TRDN: variants seen among roughly 807,000 people sequenced by gnomAD.
TRDN encodes the protein triadin in skeletal muscle.
In TRDN, 161 loss-of-function variants were observed where a neutral mutation model predicts 149.7. The ratio of observed to expected loss-of-function variants is 1.08; its 90% CI spans 0.95 to 1.23. The LOEUF is 1.23. Among genes scored for constraint, TRDN ranks in the 50% most tolerant of loss-of-function variants. The pLI, the probability that TRDN is intolerant of heterozygous loss-of-function variation, is 0.00. For synonymous variants in TRDN, 294 were observed against 250.5 expected (o/e 1.17, Z -1.64); for missense variants, 896 against 823.5 (o/e 1.09, Z -1.08).
chr6:123,346,694 G>A lies in TRDN; in HGVS notation c.1369+5845C>T, dbSNP rs550311103. 1.1e-4 allele frequency among the ~76,000 whole-genome samples: 16 copies of A among 152,088 alleles called. No individual in the cohort carries two copies. The South Asian group carries it at 1.2e-3, about 12-fold the overall frequency. On this transcript the variant is annotated intron_variant, in intron 21 of 40. Coordinates refer to ENST00000334268, the MANE Select transcript of TRDN (RefSeq NM_006073.4). Reference sequence around the variant, plus strand: ...TTATAAAAGGAGGACACAAGTTTGTGTTTTAAAAGATAAACCATATTATAT... The same window carrying A: ...TTATAAAAGGAGGACACAAGTTTGTATTTTAAAAGATAAACCATATTATAT...
In TRDN at chr6:123,252,409, T is replaced by C; in HGVS notation, c.1975+3A>G. 1 of 1,517,360 alleles carries C rather than the reference T, an allele frequency of 6.6e-7. No individual in the cohort carries two copies. The highest frequency in any genetic ancestry group is 9.0e-7 in the Non-Finnish European group (1 of 1,112,242). The allele number at this position is 1,517,360 out of a possible 1,614,324, so 94.0% of individuals were successfully genotyped here. ...ACTTGTCATTAATACAAACCGTACT[T>C]ACTTGATACTCTTGCAGGTTTTTCT... On this transcript the variant is annotated splice_donor_region_variant and intron_variant, in intron 38 of 40. Transcript: ENST00000334268.
intron 2 of TRDN, among the ~76,000 whole-genome samples, chr6:123,565,683 T>C (rs1026975513): frequency 1.3e-5 from 2 of 152,338 alleles, no homozygotes; most frequent in East Asian, 1.9e-4. Flanking sequence ...CTTTTGCAGC[T>C]CACGCTCATG....
chr6:123,380,170 T>C (rs1304966499), intron 16 of TRDN, among the ~76,000 whole-genome samples: 1 of 152,164 alleles, frequency 6.6e-6, no homozygotes, highest in Admixed American at 6.5e-5. Context: ...CTGAGGACCT[T>C]CTCAAGGAGG....
At chr6:123,224,462 T>C (rs1775281866) in intron 38 of TRDN, among the ~76,000 whole-genome samples, 1 of 151,776 alleles carries the variant, frequency 6.6e-6, no homozygotes, top group African/African-American at 2.4e-5. Context: ...TAATCATTTA[T>C]AGAATTTAGG....
intron 15 of TRDN, 22 bp from the exon 16 acceptor site, chr6:123,381,412 T>C (rs1781715103): frequency 1.3e-6 from 2 of 1,551,830 alleles, no homozygotes; most frequent in Non-Finnish European, 1.7e-6. Flanking sequence ...ACAAACAAAA[T>C]CATTGCTCTT....
Position 123,377,730 on chromosome 6 carries a change from T to A in TRDN, c.1232A>T (p.Lys411Met). 6.2e-7 allele frequency: 1 copy of A among 1,613,230 alleles called. No homozygotes were observed. Among genetic ancestry groups the A allele is most frequent in the Non-Finnish European group, 8.5e-7 (1 of 1,179,608 alleles). The change falls in exon 18 of 41, where the codon AAG becomes ATG. Residue 411 changes from lysine to methionine, a missense_variant. Coordinates refer to ENST00000334268, the MANE Select transcript of TRDN (RefSeq NM_006073.4). Reference sequence around the variant, plus strand: ...GTCTTACTCACCTGAGTGTTCTTTCTTTGGTGACTTTGCTGTATCAAAAAG... The same window carrying A: ...GTCTTACTCACCTGAGTGTTCTTTCATTGGTGACTTTGCTGTATCAAAAAG... Reference protein sequence around the residue: ...EKHVEPAKSPKKEHSVPSDKQ... With the variant: ...EKHVEPAKSPMKEHSVPSDKQ...
intron 10 of TRDN, among the ~76,000 whole-genome samples, chr6:123,454,059 T>C (rs1215686563): frequency 6.6e-6 from 1 of 152,024 alleles, no homozygotes; most frequent in East Asian, 1.9e-4. Context: ...GTGTTCTCAC[T>C]AATTTGTGGG....
intron 12 of TRDN, among the ~76,000 whole-genome samples, chr6:123,413,381 GTTACT>G (rs1582988337): frequency 6.6e-6 from 1 of 152,142 alleles, no homozygotes; most frequent in African/African-American, 2.4e-5. Context: ...CAATCAAATT[GTTACT>G]TTAATTAGAA....
chr6:123,488,687 C>T (rs1007410291), intron 9 of TRDN: 1 of 145,090 alleles, frequency 6.9e-6, no homozygotes, highest in Non-Finnish European at 1.5e-5. Context: ...TCCAAACGAT[C>T]TTGTACAACA....
At chr6:123,373,116 A>T (rs1184258105) in intron 19 of TRDN, among the ~76,000 whole-genome samples, 1 of 151,910 alleles carries the variant, frequency 6.6e-6, no homozygotes, top group East Asian at 1.9e-4. Flanking sequence ...TTACTATGAG[A>T]CTCTATGATA....
chr6:123,364,360 C>T (rs977731641), intron 20 of TRDN, among the ~76,000 whole-genome samples: 7 of 152,274 alleles, frequency 4.6e-5, no homozygotes, highest in South Asian at 2.1e-4. Context: ...TAATTCCAGT[C>T]GGGCGTGGTG....
chr6:123,307,819 C>T (rs543535229), intron 24 of TRDN, among the ~76,000 whole-genome samples: 10 of 151,920 alleles, frequency 6.6e-5, no homozygotes, highest in African/African-American at 1.9e-4. Flanking sequence ...AAGTTGTTCT[C>T]GGTTCTTTTC....
intron 4 of TRDN, among the ~76,000 whole-genome samples, chr6:123,536,006 T>C (rs560919923): frequency 5.3e-5 from 8 of 152,246 alleles, no homozygotes; most frequent in African/African-American, 1.9e-4. Flanking sequence ...TCAATTCAAA[T>C]CTGATTTCCA....
intron 37 of TRDN, among the ~76,000 whole-genome samples, chr6:123,254,504 A>G (rs1776483854): frequency 1.3e-5 from 2 of 152,038 alleles, no homozygotes; most frequent in African/African-American, 4.8e-5. Flanking sequence ...ACTTTTTTAA[A>G]GTAATTGAAT....
chr6:123,525,709 A>T (rs939126973), intron 5 of TRDN, among the ~76,000 whole-genome samples: 1 of 152,036 alleles, frequency 6.6e-6, no homozygotes, highest in African/African-American at 2.4e-5. Flanking sequence ...TTTTAAAAAA[A>T]ACTTGTATTT....
At chr6:123,565,251 A>T (rs891546102) in intron 2 of TRDN, among the ~76,000 whole-genome samples, 1 of 152,136 alleles carries the variant, frequency 6.6e-6, no homozygotes, top group South Asian at 2.1e-4. Context: ...TGAAGGGAAG[A>T]TCTCCGGCAG....
intron 9 of TRDN, among the ~76,000 whole-genome samples, chr6:123,481,795 C>T (rs992469248): frequency 6.6e-6 from 1 of 152,118 alleles, no homozygotes; most frequent in Non-Finnish European, 1.5e-5. Context: ...CTGAGTTTTC[C>T]TCCAATTCCA....
chr6:123,432,378 T>C lies in TRDN; in HGVS notation c.1051+5685A>G, dbSNP rs188013509. ...TAAGGCAATCTGCATAGAATCCTAGTCATAATTTGAAAACATCAACTTTTT... is the reference window on the plus strand; with the variant it reads ...TAAGGCAATCTGCATAGAATCCTAGCCATAATTTGAAAACATCAACTTTTT... On this transcript the variant is annotated intron_variant, in intron 12 of 40. Coordinates refer to ENST00000334268, the MANE Select transcript of TRDN (RefSeq NM_006073.4). 1.5e-3 allele frequency among the ~76,000 whole-genome samples: 230 copies of C among 151,976 alleles called. 1 individual carries two copies. Among genetic ancestry groups the C allele is most frequent in the African/African-American group, 5.4e-3 (224 of 41,482 alleles).
chr6:123,220,395 T>G (rs1392577173), intron 40 of TRDN, among the ~76,000 whole-genome samples: 2 of 151,848 alleles, frequency 1.3e-5, no homozygotes, highest in Non-Finnish European at 2.9e-5. Context: ...TTATGTGACA[T>G]AGCCACAAAT....
Sources: gnomAD v4.1 joint callset for allele counts (sites outside exome capture counted in the v4.1 genomes callset) on GRCh38, gnomAD v4.1.1 for gene constraint, MANE v1.5 for transcripts, NCBI Gene and HGNC (gene_info 2026-07-23, HGNC 2026-07-21) for gene names.